LARP1: variants seen among roughly 807,000 people sequenced by gnomAD.
LARP1 encodes la-related protein 1.
A neutral mutation model predicts 122.7 loss-of-function variants in LARP1; 36 were observed. That is an observed-to-expected ratio of 0.29 (90% CI 0.22 to 0.39). The LOEUF (loss-of-function observed/expected upper bound fraction) is 0.39, where lower values mean the gene tolerates loss of function less well. Ranked by LOEUF, LARP1 falls within the 10% of genes least tolerant of loss-of-function variation. The pLI is 1.00. For missense variants in LARP1, 1,040 were observed against 1,403.6 expected (o/e 0.74, Z 4.14); for synonymous variants, 539 against 528.7 (o/e 1.02, Z -0.27).
intron 1 of LARP1, among the ~76,000 whole-genome samples, chr5:154,720,615 G>A (rs1934781094): frequency 6.6e-6 from 1 of 152,106 alleles, no homozygotes; most frequent in African/African-American, 2.4e-5. Flanking sequence ...AGGAAGCTGA[G>A]GTGGGAGAAT....
At chr5:154,719,754 C>A (rs1221305477) in intron 1 of LARP1, among the ~76,000 whole-genome samples, 1 of 150,934 alleles carries the variant, frequency 6.6e-6, no homozygotes, top group Admixed American at 6.6e-5. Flanking sequence ...CCCAGCTACA[C>A]AGGAGCCTGA....
At chr5:154,740,144 C>A (rs1202036580) in intron 1 of LARP1, among the ~76,000 whole-genome samples, 1 of 151,334 alleles carries the variant, frequency 6.6e-6, no homozygotes, top group African/African-American at 2.4e-5. Context: ...GTAATCCCAG[C>A]ACCTTGGGAG....
intron 1 of LARP1, among the ~76,000 whole-genome samples, chr5:154,707,129 G>GTT (rs1442442938): frequency 6.6e-6 from 1 of 152,120 alleles, no homozygotes; most frequent in African/African-American, 2.4e-5. Context: ...GCTCTCAAAA[G>GTT]TTGTAGGGCC....
chr5:154,759,353 T>C (rs1401277416), intron 1 of LARP1, among the ~76,000 whole-genome samples: 2 of 152,202 alleles, frequency 1.3e-5, no homozygotes, highest in Admixed American at 1.3e-4. Flanking sequence ...TTCCTTTTCT[T>C]GTGTTATATA....
chr5:154,761,665 G>A (rs1484737580), intron 1 of LARP1, among the ~76,000 whole-genome samples: 1 of 152,148 alleles, frequency 6.6e-6, no homozygotes, highest in East Asian at 1.9e-4. Flanking sequence ...CTAAGGGAGT[G>A]GCCAGGAGAG....
chr5:154,728,427 C>A (rs566764253), intron 1 of LARP1, among the ~76,000 whole-genome samples: 3 of 152,174 alleles, frequency 2.0e-5, no homozygotes, highest in African/African-American at 7.2e-5. Context: ...CAATAGAGAT[C>A]AGTTGACATG....
At chr5:154,785,768 CTT>C (rs1270416514) in intron 1 of LARP1, among the ~76,000 whole-genome samples, 5 of 152,290 alleles carry the variant, frequency 3.3e-5, no homozygotes, top group Middle Eastern at 3.4e-3. Context: ...AACCACTCCA[CTT>C]TACAGAGGAG....
At chr5:154,791,039 A>G (rs1324638122) in intron 3 of LARP1, among the ~76,000 whole-genome samples, 1 of 150,434 alleles carries the variant, frequency 6.6e-6, no homozygotes, top group Non-Finnish European at 1.5e-5. Flanking sequence ...CTGGTCTCGA[A>G]CTCCTGACCT....
At chr5:154,760,111 G>C (rs1399914007) in intron 1 of LARP1, among the ~76,000 whole-genome samples, 1 of 152,094 alleles carries the variant, frequency 6.6e-6, no homozygotes, top group Non-Finnish European at 1.5e-5. Flanking sequence ...GGCTAATTTT[G>C]TATTTTTAGT....
intron 1 of LARP1, among the ~76,000 whole-genome samples, chr5:154,715,340 C>A (rs1755437868): frequency 1.4e-5 from 2 of 144,712 alleles, no homozygotes; most frequent in Admixed American, 7.0e-5. Context: ...TCTCGGCTCA[C>A]CGCAACCTCC....
chr5:154,688,995 C>A (rs1056595945), intron 1 of LARP1, among the ~76,000 whole-genome samples: 7 of 152,112 alleles, frequency 4.6e-5, no homozygotes, highest in Admixed American at 3.9e-4. Flanking sequence ...ATATTGACAC[C>A]ATTTTTCCAA....
chr5:154,749,074 A>G (rs954649106), intron 1 of LARP1, among the ~76,000 whole-genome samples: 1 of 152,232 alleles, frequency 6.6e-6, no homozygotes, highest in Non-Finnish European at 1.5e-5. Flanking sequence ...GCAGTAAGAC[A>G]GGAAGGTTAG....
At chr5:154,717,874 TAC>T (rs140858107) in intron 1 of LARP1, among the ~76,000 whole-genome samples, 5 of 150,904 alleles carry the variant, frequency 3.3e-5, no homozygotes, top group East Asian at 3.9e-4. Flanking sequence ...CTGACACATA[TAC>T]ACACACACAC....
intron 1 of LARP1, among the ~76,000 whole-genome samples, chr5:154,763,183 C>T (rs1004745008): frequency 2.0e-5 from 3 of 151,818 alleles, no homozygotes; most frequent in Non-Finnish European, 2.9e-5. Context: ...GCCTCAGCCT[C>T]CCAAGTAGCT....
At chr5:154,792,500 C>A in intron 3 of LARP1, 122 bp from the exon 4 acceptor site, 3 of 844,370 alleles carry the variant, frequency 3.6e-6, no homozygotes, top group Non-Finnish European at 5.8e-6. Flanking sequence ...AGAATACATC[C>A]CATCCAGCCT....
chr5:154,695,190 C>T (rs1229015511), intron 1 of LARP1, among the ~76,000 whole-genome samples: 1 of 151,656 alleles, frequency 6.6e-6, no homozygotes, highest in Non-Finnish European at 1.5e-5. Flanking sequence ...TGGTGGGTGC[C>T]TGTAGTCCCA....
intron 1 of LARP1, among the ~76,000 whole-genome samples, chr5:154,707,242 TA>T (rs1268644634): frequency 1.3e-5 from 2 of 151,108 alleles, no homozygotes; most frequent in East Asian, 1.9e-4. Context: ...ACCCTATCTC[TA>T]AAAAAAAATG....
chr5:154,714,023 C>G (rs988181438), intron 1 of LARP1, among the ~76,000 whole-genome samples: 2 of 152,226 alleles, frequency 1.3e-5, no homozygotes, highest in African/African-American at 2.4e-5. Context: ...TGGTTCTGCA[C>G]TGACTAGCTC....
chr5:154,764,203 G>A (rs1042754386), intron 1 of LARP1, among the ~76,000 whole-genome samples: 4 of 151,806 alleles, frequency 2.6e-5, no homozygotes, highest in Non-Finnish European at 5.9e-5. Flanking sequence ...CCAGCTACTC[G>A]GGAGGCTGAG....
Sources: allele counts gnomAD v4.1 joint callset (sites outside exome capture counted in the v4.1 genomes callset), GRCh38; gene constraint gnomAD v4.1.1; transcripts MANE v1.5; gene names NCBI Gene and HGNC (gene_info 2026-07-23, HGNC 2026-07-21).